Variants in CFAP58 observed in about 807,000 individuals in gnomAD.
CFAP58 encodes the protein cilia and flagella associated protein 58, also known as cilia- and flagella-associated protein 58.
Under a neutral mutation model 119.5 loss-of-function variants are expected in CFAP58, and 88 were observed. The ratio of observed to expected loss-of-function variants is 0.74; its 90% CI spans 0.62 to 0.88. The LOEUF (loss-of-function observed/expected upper bound fraction) is 0.88. Ranked by LOEUF, CFAP58 falls within the 40% of genes least tolerant of loss-of-function variation. The pLI, the probability that CFAP58 is intolerant of heterozygous loss-of-function variation, is 0.00. For missense variants in CFAP58, 990 were observed against 1,021.2 expected (o/e 0.97, Z 0.42); for synonymous variants, 365 against 366.3 (o/e 1.00, Z 0.04).
chr10:104,454,769 A>G lies in CFAP58; in HGVS notation c.*239A>G, dbSNP rs889707497. ...TAGGCTGACCTATTGCATGAAGCAA[A>G]TCTTTTGTTGCTACCCCATTGATTG... On this transcript the variant is annotated 3_prime_UTR_variant, in exon 18 of 18. Transcript: ENST00000369704. 2 of 459,624 alleles carry G rather than the reference A, an allele frequency of 4.4e-6. No homozygotes were observed. Among genetic ancestry groups the G allele is most frequent in the East Asian group, 7.3e-5 (2 of 27,270 alleles). The allele number at this position is 459,624 out of a possible 1,614,324, so 28.5% of individuals were successfully genotyped here.
At chr10:104,357,495 C>T (rs2014557961) in intron 1 of CFAP58, among the ~76,000 whole-genome samples, 1 of 152,146 alleles carries the variant, frequency 6.6e-6, no homozygotes, top group Admixed American at 6.5e-5. Context: ...TGGCCACCCC[C>T]CGCTGCCCTT....
chr10:104,406,210 C>T lies in CFAP58; in HGVS notation c.2152-479C>T, dbSNP rs759824248. Reference sequence around the variant, plus strand: ...GCCTTTGGAGCTTGGCATATTTGGGCGTGATTCCGGCTCTGAGCCTTGCCA... The same window carrying T: ...GCCTTTGGAGCTTGGCATATTTGGGTGTGATTCCGGCTCTGAGCCTTGCCA... On this transcript the variant is annotated intron_variant, in intron 14 of 17. Transcript: ENST00000369704. 6.6e-5 allele frequency among the ~76,000 whole-genome samples: 10 copies of T among 152,184 alleles called. No homozygotes were observed. In the East Asian group the frequency reaches 9.6e-4, roughly 15 times the overall value.
At chr10:104,443,936 A>C (rs1420784290) in intron 15 of CFAP58, among the ~76,000 whole-genome samples, 2 of 152,248 alleles carry the variant, frequency 1.3e-5, no homozygotes, top group East Asian at 3.8e-4. Flanking sequence ...AACTTGGCAG[A>C]TTCTTCACAG....
chr10:104,387,928 C>T (rs937184911), intron 9 of CFAP58, among the ~76,000 whole-genome samples: 1 of 152,180 alleles, frequency 6.6e-6, no homozygotes, highest in African/African-American at 2.4e-5. Context: ...TCAAGCAAAG[C>T]TCTTCAGGAC....
At chr10:104,396,368 A>T (rs2012153703) in intron 11 of CFAP58, among the ~76,000 whole-genome samples, 1 of 107,586 alleles carries the variant, frequency 9.3e-6, no homozygotes, top group Non-Finnish European at 1.8e-5. Flanking sequence ...GCTGTTATCC[A>T]TGAGAGAGAG....
Position 104,447,681 on chromosome 10 carries a change from G to C in CFAP58, c.2257-17G>C. On this transcript the variant is annotated splice_polypyrimidine_tract_variant and intron_variant, in intron 15 of 17. Transcript: ENST00000369704. ...ACGGGGCTGTTTATCTCTGCTCCTG[G>C]TTCTGCTCTCCACTAGGAAAAGGAG... 2 of 1,613,242 alleles carry C rather than the reference G, an allele frequency of 1.2e-6. No individual in the cohort carries two copies. Among genetic ancestry groups the C allele is most frequent in the African/African-American group, 2.7e-5 (2 of 75,032 alleles).
the CFAP58 span, among the ~76,000 whole-genome samples, chr10:104,338,908 T>G: frequency 1.0e-5 from 1 of 99,446 alleles, no homozygotes; most frequent in African/African-American, 7.8e-5. Flanking sequence ...CTTACTACCG[T>G]TTTTTTTTTT....
chr10:104,405,190 A>C (rs1401698811), intron 14 of CFAP58, among the ~76,000 whole-genome samples: 1 of 152,210 alleles, frequency 6.6e-6, no homozygotes, highest in African/African-American at 2.4e-5. Flanking sequence ...ATCTAGTCCC[A>C]ATAGATGGAT....
At chr10:104,397,922 G>T (rs1342733757) in intron 11 of CFAP58, among the ~76,000 whole-genome samples, 2 of 152,154 alleles carry the variant, frequency 1.3e-5, no homozygotes, top group Non-Finnish European at 1.5e-5. Flanking sequence ...TCCCTGTCTG[G>T]CTTAGCTGTT....
rs1396644132 is a variant in CFAP58 at position 104,370,939 on chromosome 10, G to T, written c.975G>T (p.Lys325Asn). ...ATCAAATGCGCCTTGACATCGGGAA[G>T]CTCAACAAAATCAGAGAACAAATTC... is the stretch of plus-strand genomic sequence containing the variant. ...EVHQMRLDIG[K>N]LNKIREQIHK... The change falls in exon 7 of 18, where the codon AAG becomes AAT. Residue 325 changes from lysine to asparagine, a missense_variant. Physicochemically the swap from Lys to Asn is moderately conservative, Grantham distance 94 (BLOSUM62 0). Coordinates refer to ENST00000369704, the MANE Select transcript of CFAP58 (RefSeq NM_001008723.2). 6.2e-7 allele frequency: 1 copy of T among 1,613,600 alleles called. No homozygotes were observed. The highest frequency in any genetic ancestry group is 8.5e-7 in the Non-Finnish European group (1 of 1,179,884).
chr10:104,399,718 G>A (rs1439310083), intron 12 of CFAP58, among the ~76,000 whole-genome samples: 1 of 151,858 alleles, frequency 6.6e-6, no homozygotes, highest in Non-Finnish European at 1.5e-5. Context: ...AGGCACTAGG[G>A]ACACGTTGGC....
rs570402415 is a variant in CFAP58 at position 104,358,030 on chromosome 10, C to CACATATATGTACACATATATACACAT, written c.10-310_10-309insCATATATGTACACATATATACACATA. 5.1e-5 allele frequency among the ~76,000 whole-genome samples: 7 copies of CACATATATGTACACATATATACACAT among 137,036 alleles called. 1 individual carries two copies. Among genetic ancestry groups the CACATATATGTACACATATATACACAT allele is most frequent in the African/African-American group, 1.9e-4 (7 of 36,590 alleles). The allele number at this position is 137,036 out of a possible 152,430, so 89.9% of individuals were successfully genotyped here. ...ATACACATATATGTACATATATATA[C>CACATATATGTACACATATATACACAT]ATATGTACATATACACACATATATG... On this transcript the variant is annotated intron_variant, in intron 1 of 17. Transcript: ENST00000369704.
At chr10:104,392,870 A>G (rs2012076738) in intron 10 of CFAP58, among the ~76,000 whole-genome samples, 2 of 151,990 alleles carry the variant, frequency 1.3e-5, no homozygotes, top group Non-Finnish European at 2.9e-5. Context: ...CGAACTCCTG[A>G]CCTCAAGCGA....
Position 104,357,890 on chromosome 10 carries a change from A to ACATATATGTACACATATACAC in CFAP58, c.10-451_10-450insCATATATGTACACATATACAC, listed in dbSNP as rs1564875816. On this transcript the variant is annotated intron_variant, in intron 1 of 17. Transcript: ENST00000369704. ...ATACACATATATGTACACATATATA[A>ACATATATGTACACATATACAC]ACATATATGTACACATATACACACA... Among the ~76,000 whole-genome samples, 147 of 132,464 alleles carry ACATATATGTACACATATACAC rather than the reference A, an allele frequency of 1.1e-3. 10 individuals carry two copies. Among genetic ancestry groups the ACATATATGTACACATATACAC allele is most frequent in the African/African-American group, 3.2e-3 (97 of 30,264 alleles). 86.9% of individuals were successfully genotyped at this position (132,464 alleles called of 152,430 possible). A position where few individuals can be genotyped will look rare whatever the true frequency, so the allele number is the denominator to read the frequency against.
At chr10:104,423,322 A>G (rs2012690283) in intron 15 of CFAP58, among the ~76,000 whole-genome samples, 1 of 152,204 alleles carries the variant, frequency 6.6e-6, no homozygotes, top group Non-Finnish European at 1.5e-5. Flanking sequence ...CCAAAAATAT[A>G]TTAGTTGATA....
chr10:104,365,295 C>A (rs902019775), intron 4 of CFAP58, among the ~76,000 whole-genome samples: 12 of 152,092 alleles, frequency 7.9e-5, no homozygotes, highest in Non-Finnish European at 1.5e-4. Flanking sequence ...AGCCAGAAGT[C>A]AAATAGGTCA....
intron 9 of CFAP58, among the ~76,000 whole-genome samples, chr10:104,382,947 C>T (rs1422799502): frequency 2.6e-5 from 4 of 152,200 alleles, no homozygotes; most frequent in Admixed American, 6.5e-5. Flanking sequence ...GGAGATGAAG[C>T]TGTTTGGGGC....
At chr10:104,439,843 G>A (rs1037700138) in intron 15 of CFAP58, among the ~76,000 whole-genome samples, 3 of 151,528 alleles carry the variant, frequency 2.0e-5, no homozygotes, top group Non-Finnish European at 2.9e-5. Context: ...TTTTTGAGAC[G>A]GAGTCTCGCT....
chr10:104,379,246 T>C (rs1010242850), intron 8 of CFAP58, among the ~76,000 whole-genome samples: 2 of 152,202 alleles, frequency 1.3e-5, no homozygotes, highest in African/African-American at 4.8e-5. Context: ...TGGATATTTA[T>C]ATAAATGGGA....
Sources: allele counts gnomAD v4.1 joint callset (sites outside exome capture counted in the v4.1 genomes callset), GRCh38; gene constraint gnomAD v4.1.1; transcripts MANE v1.5; gene names NCBI Gene and HGNC (gene_info 2026-07-23, HGNC 2026-07-21).